The following NFIB variants were observed in gnomAD, a reference collection of about 807,000 sequenced individuals.
NFIB encodes the protein nuclear factor I B.
NFIB carries 11 observed loss-of-function variants against 61.5 expected under a neutral mutation model. The ratio of observed to expected loss-of-function variants is 0.18; its 90% CI spans 0.11 to 0.30. The LOEUF is 0.30. Among genes scored for constraint, NFIB ranks in the 10% least tolerant of loss-of-function variants. The probability of loss-of-function intolerance (pLI) is 1.00; values close to 1 mark genes in which losing one functional copy is unlikely to be tolerated. For missense variants in NFIB, 471 were observed against 608.9 expected (o/e 0.77, Z 2.38); for synonymous variants, 260 against 216.5 (o/e 1.20, Z -1.76).
At chr9:14,471,222 G>T in the NFIB span, among the ~76,000 whole-genome samples, 1 of 152,206 alleles carries the variant, frequency 6.6e-6, no homozygotes, top group Non-Finnish European at 1.5e-5. Context: ...GATGACTAAA[G>T]CTCCAACTTC....
intron 2 of NFIB, among the ~76,000 whole-genome samples, chr9:14,255,136 T>G (rs1001583105): frequency 6.6e-6 from 1 of 151,946 alleles, no homozygotes; most frequent in African/African-American, 2.4e-5. Context: ...AGTTGGAGAA[T>G]CACTTGAGCC....
At chr9:14,402,704 C>T (rs993030395), upstream of NFIB, among the ~76,000 whole-genome samples, 1 of 152,046 alleles carries the variant, frequency 6.6e-6, no homozygotes, top group African/African-American at 2.4e-5. Flanking sequence ...AAAAATCATC[C>T]TGCTCAAAAA....
chr9:14,377,047 T>G (rs571443156), intron 1 of NFIB, among the ~76,000 whole-genome samples: 1 of 152,280 alleles, frequency 6.6e-6, no homozygotes, highest in Non-Finnish European at 1.5e-5. Flanking sequence ...TCACCCCAAA[T>G]TCTGAGATTC....
At chr9:14,487,385 A>G in the NFIB span, among the ~76,000 whole-genome samples, 1 of 152,236 alleles carries the variant, frequency 6.6e-6, no homozygotes, top group Non-Finnish European at 1.5e-5. Context: ...ACTGGCAGAG[A>G]GAAACACTTT....
intron 1 of NFIB, among the ~76,000 whole-genome samples, chr9:14,374,583 C>T (rs1360788127): frequency 6.6e-6 from 1 of 152,138 alleles, no homozygotes; most frequent in Non-Finnish European, 1.5e-5. Flanking sequence ...AGGAGTTGCT[C>T]TAAAAGAAGA....
chr9:14,476,410 C>CT, the NFIB span, among the ~76,000 whole-genome samples: 5 of 152,154 alleles, frequency 3.3e-5, 1 homozygote, highest in Admixed American at 3.3e-4. Context: ...CCTTCTCAAA[C>CT]TTGGACAGTG....
intron 2 of NFIB, among the ~76,000 whole-genome samples, chr9:14,282,159 T>G (rs573487789): frequency 6.6e-6 from 1 of 152,286 alleles, no homozygotes. Context: ...AGGGCAATTT[T>G]TAAATATTTA....
the NFIB span, among the ~76,000 whole-genome samples, chr9:14,459,063 A>C: frequency 2.0e-5 from 3 of 152,132 alleles, no homozygotes; most frequent in Admixed American, 2.0e-4. Flanking sequence ...TGCCAAGTCA[A>C]TCCTAAGCCA....
At chr9:14,421,280 A>T in the NFIB span, among the ~76,000 whole-genome samples, 1 of 152,190 alleles carries the variant, frequency 6.6e-6, no homozygotes, top group Admixed American at 6.5e-5. Flanking sequence ...AAATTCTCAG[A>T]TCTAGAACAA....
the NFIB span, among the ~76,000 whole-genome samples, chr9:14,463,309 A>G: frequency 2.6e-5 from 4 of 152,002 alleles, no homozygotes; most frequent in African/African-American, 7.2e-5. Context: ...AAAAATATAA[A>G]AGAAGAGTTG....
At chr9:14,101,965 T>C (rs1015615005) in intron 10 of NFIB, among the ~76,000 whole-genome samples, 29 of 152,180 alleles carry the variant, frequency 1.9e-4, no homozygotes, top group African/African-American at 6.8e-4. Context: ...TTTGCTATTT[T>C]TTTTCCCTAC....
At chr9:14,224,627 T>A (rs10810118) in intron 2 of NFIB, among the ~76,000 whole-genome samples, 1 of 152,064 alleles carries the variant, frequency 6.6e-6, no homozygotes, top group African/African-American at 2.4e-5. Context: ...GTATTAGGTA[T>A]TGTAAGTAGA....
chr9:14,481,269 C>G, the NFIB span, among the ~76,000 whole-genome samples: 1 of 132,696 alleles, frequency 7.5e-6, no homozygotes, highest in African/African-American at 2.8e-5. Flanking sequence ...TGGGGTAACT[C>G]AAGGTGTGTT....
chr9:14,365,946 G>C (rs1185034211), intron 1 of NFIB, among the ~76,000 whole-genome samples: 1 of 152,098 alleles, frequency 6.6e-6, no homozygotes, highest in Non-Finnish European at 1.5e-5. Context: ...GCCAGATGTG[G>C]GCTTAGGGAT....
chr9:14,131,965 C>T (rs1043325616), intron 6 of NFIB, among the ~76,000 whole-genome samples: 5 of 152,218 alleles, frequency 3.3e-5, no homozygotes, highest in African/African-American at 1.2e-4. Flanking sequence ...TTAGCTTTTC[C>T]AATATGCTCG....
At chr9:14,117,775 T>A (rs981297789) in intron 8 of NFIB, among the ~76,000 whole-genome samples, 1 of 152,192 alleles carries the variant, frequency 6.6e-6, no homozygotes, top group African/African-American at 2.4e-5. Flanking sequence ...ATGGGAGAGT[T>A]ACATCTTTAA....
At chr9:14,105,664 A>C (rs573330029) in intron 10 of NFIB, among the ~76,000 whole-genome samples, 1 of 152,278 alleles carries the variant, frequency 6.6e-6, no homozygotes, top group Non-Finnish European at 1.5e-5. Context: ...TTATTCACCA[A>C]AGATTTCCAT....
chr9:14,398,039 T>C (rs528586050), intron 1 of NFIB, among the ~76,000 whole-genome samples: 159 of 152,242 alleles, frequency 1.0e-3, no homozygotes, highest in Middle Eastern at 3.4e-3. Context: ...TATGAATATT[T>C]CCCATACTAT....
At chr9:14,390,331 C>A (rs73419665) in intron 1 of NFIB, among the ~76,000 whole-genome samples, 3 of 152,082 alleles carry the variant, frequency 2.0e-5, no homozygotes, top group Admixed American at 6.6e-5. Context: ...ACTTCCATAC[C>A]TGATGCCCAG....
Sources: gnomAD v4.1 joint callset for allele counts (sites outside exome capture counted in the v4.1 genomes callset) on GRCh38, gnomAD v4.1.1 for gene constraint, MANE v1.5 for transcripts, NCBI Gene and HGNC (gene_info 2026-07-23, HGNC 2026-07-21) for gene names.